ULK2: variants seen among roughly 807,000 people sequenced by gnomAD.
ULK2 encodes unc-51 like autophagy activating kinase 2.
In ULK2, 76 loss-of-function variants were observed where a neutral mutation model predicts 127.5. That is an observed-to-expected ratio of 0.60 (90% CI 0.50 to 0.72). The LOEUF (loss-of-function observed/expected upper bound fraction) is 0.72. ULK2 is among the 30% of genes least tolerant of loss of function. ULK2 has a pLI of 0.00. For missense variants in ULK2, 1,144 were observed against 1,295.9 expected (o/e 0.88, Z 1.80); for synonymous variants, 452 against 461.9 (o/e 0.98, Z 0.28).
intron 6 of ULK2, 147 bp downstream of exon 6, chr17:19,846,590 A>C: frequency 1.2e-6 from 1 of 868,298 alleles, no homozygotes; most frequent in South Asian, 2.0e-5. Flanking sequence ...CAGTGAGCCA[A>C]GATCGCGCCA....
At chr17:19,826,261 G>T (rs534417402) in intron 10 of ULK2, 75 bp from the exon 11 acceptor site, 1 of 883,066 alleles carries the variant, frequency 1.1e-6, no homozygotes, top group Non-Finnish European at 1.7e-6. Flanking sequence ...TTTTCTCAAC[G>T]TATTCAATAT....
chr17:19,856,531 G>A (rs968598823), intron 3 of ULK2, among the ~76,000 whole-genome samples: 15 of 151,802 alleles, frequency 9.9e-5, no homozygotes, highest in Non-Finnish European at 2.1e-4. Flanking sequence ...GCAGTGAGCC[G>A]AGATCGCGCC....
At position 19,783,903 on chromosome 17, in the gene ULK2, C is replaced by T. The variant is rs55730189; in HGVS notation, c.2254G>A (p.Gly752Arg). 1,037 of 1,505,820 alleles carry T rather than the reference C, an allele frequency of 6.9e-4. 17 individuals are homozygous for T. The East Asian group carries it at 0.02, about 29-fold the overall frequency. The allele number at this position is 1,505,820 out of a possible 1,614,324, so 93.3% of individuals were successfully genotyped here. Residue 752 changes from glycine to arginine, a missense_variant and splice_region_variant, in exon 22 of 27, where the codon GGG becomes AGG. By Grantham distance (125) the Gly-to-Arg change is moderately radical. This residue lies in a region of ULK2 where 913 missense variants were observed against 970.5 expected (regional missense o/e 0.94). Transcript: ENST00000395544. ...MFLRTRTTSV[G>R]PSNSGGSLCA... Reference sequence around the variant, plus strand: ...AGAGAGCCCCCGGAGTTGCTGGGCCCCACTACAAGGAAACAGAGGATACAT... The same window carrying T: ...AGAGAGCCCCCGGAGTTGCTGGGCCTCACTACAAGGAAACAGAGGATACAT...
intron 25 of ULK2, among the ~76,000 whole-genome samples, chr17:19,779,210 G>C (rs892732378): frequency 6.6e-6 from 1 of 152,098 alleles, no homozygotes. Context: ...AATGGAAAGG[G>C]GGATCTATTA....
chr17:19,867,471 G>T lies in ULK2; in HGVS notation c.-54C>A, dbSNP rs571920214. 4.8e-6 allele frequency: 7 copies of T among 1,449,922 alleles called. No homozygotes were observed. The African/African-American group carries it at 5.9e-5, about 12-fold the overall frequency. The allele number at this position is 1,449,922 out of a possible 1,614,324, so 89.8% of individuals were successfully genotyped here. Reference sequence around the variant, plus strand: ...GGGCGGGCGGCGCAGTGCGGCGCAGGTATCAGCACCGCGGCTCCGCGGGCC... The same window carrying T: ...GGGCGGGCGGCGCAGTGCGGCGCAGTTATCAGCACCGCGGCTCCGCGGGCC... On this transcript the variant is annotated 5_prime_UTR_variant, in exon 1 of 27. Coordinates refer to ENST00000395544, the MANE Select transcript of ULK2 (RefSeq NM_014683.4).
intron 5 of ULK2, among the ~76,000 whole-genome samples, chr17:19,847,943 A>C (rs947353458): frequency 1.3e-5 from 2 of 152,146 alleles, no homozygotes; most frequent in Non-Finnish European, 2.9e-5. Context: ...TAGTTCTTCC[A>C]CTTAATGTGT....
At chr17:19,854,145 G>A (rs902217612) in intron 3 of ULK2, among the ~76,000 whole-genome samples, 1 of 151,862 alleles carries the variant, frequency 6.6e-6, no homozygotes, top group Admixed American at 6.6e-5. Context: ...GGGTGTGGTG[G>A]TGCATGCCTG....
chr17:19,857,089 T>C (rs891688872), intron 3 of ULK2, among the ~76,000 whole-genome samples: 2 of 150,862 alleles, frequency 1.3e-5, no homozygotes, highest in Non-Finnish European at 2.9e-5. Context: ...GCAGATCACC[T>C]GAGGTCGGGA....
chr17:19,813,177 G>A (rs1413662736), intron 13 of ULK2, among the ~76,000 whole-genome samples: 7 of 152,100 alleles, frequency 4.6e-5, no homozygotes, highest in Admixed American at 4.6e-4. Flanking sequence ...CCTCCAAAAG[G>A]GAAATAGTCC....
intron 20 of ULK2, among the ~76,000 whole-genome samples, chr17:19,787,759 T>C (rs571055073): frequency 1.3e-5 from 2 of 152,240 alleles, no homozygotes; most frequent in East Asian, 3.9e-4. Flanking sequence ...AAAAATCAGG[T>C]GAGTAATCAC....
intron 10 of ULK2, among the ~76,000 whole-genome samples, chr17:19,827,024 T>C (rs1396604545): frequency 1.3e-5 from 2 of 152,080 alleles, no homozygotes; most frequent in Non-Finnish European, 2.9e-5. Flanking sequence ...TCCATAATAG[T>C]TGTTTCACTA....
rs1221566137 is a variant in ULK2 at position 19,771,162 on chromosome 17, ACTCCTGTACCCAGTGTGGC to A, written c.*5168_*5186del. On this transcript the variant is annotated 3_prime_UTR_variant, in exon 27 of 27. Transcript: ENST00000395544. ...GTGGGGCTCCTGTGGGGAGATGGGT[ACTCCTGTACCCAGTGTGGC>A]CTCCTGCTCCCACCGCTTTCCAGCT... 6.6e-6 allele frequency: 1 copy of A among 151,934 alleles called. No individual in the cohort carries two copies. The highest frequency in any genetic ancestry group is 2.4e-5 in the African/African-American group (1 of 41,334). The allele number at this position is 151,934 out of a possible 1,614,324, so 9.4% of individuals were successfully genotyped here. A position where few individuals can be genotyped will look rare whatever the true frequency, so the allele number is the denominator to read the frequency against.
intron 12 of ULK2, 85 bp from the exon 13 acceptor site, chr17:19,817,005 T>C (rs971093146): frequency 2.9e-4 from 353 of 1,222,240 alleles, no homozygotes; most frequent in Admixed American, 7.6e-4. Context: ...TTTTTTTTTT[T>C]CCCCCACAAA....
At position 19,825,278 on chromosome 17, in the gene ULK2, T is replaced by C; in HGVS notation, c.836-96A>G. 2.9e-6 allele frequency: 3 copies of C among 1,020,594 alleles called. 1 individual carries two copies. The allele number at this position is 1,020,594 out of a possible 1,614,324, so 63.2% of individuals were successfully genotyped here. A position where few individuals can be genotyped will look rare whatever the true frequency, so the allele number is the denominator to read the frequency against. On this transcript the variant is annotated intron_variant, in intron 11 of 26. Transcript: ENST00000395544. ...TTGCCAAAACTACTACACCTTTGTG[T>C]TCCCCCAAAATCTGCATTTACCTAT...
Position 19,801,759 on chromosome 17 carries a change from TTTTTAAACTC to T in ULK2, c.1441+8_1441+17del. On this transcript the variant is annotated splice_region_variant and intron_variant, in intron 16 of 26. Transcript: ENST00000395544. Reference sequence around the variant, plus strand: ...GTGAAAAAAAGGTTGAAAACAACTGTTTTTAAACTCTACTTACCCAAAGGGGAAGGTGAGT... The same window carrying T: ...GTGAAAAAAAGGTTGAAAACAACTGTTACTTACCCAAAGGGGAAGGTGAGT... 6.2e-7 allele frequency: 1 copy of T among 1,608,932 alleles called. No individual in the cohort carries two copies. The highest frequency in any genetic ancestry group is 2.2e-5 in the East Asian group (1 of 44,854).
At chr17:19,780,878 G>GA in intron 24 of ULK2, 108 bp downstream of exon 24, 1 of 1,174,342 alleles carries the variant, frequency 8.5e-7, no homozygotes, top group Non-Finnish European at 1.2e-6. Flanking sequence ...TAAGAATACT[G>GA]AAAAATAAAA....
chr17:19,855,248 C>T (rs2042100032), intron 3 of ULK2, among the ~76,000 whole-genome samples: 1 of 151,620 alleles, frequency 6.6e-6, no homozygotes, highest in South Asian at 2.1e-4. Flanking sequence ...ACTAAAAATA[C>T]AAAAAATTAG....
chr17:19,808,579 C>T (rs552952696), intron 14 of ULK2, among the ~76,000 whole-genome samples: 1 of 152,258 alleles, frequency 6.6e-6, no homozygotes, highest in South Asian at 2.1e-4. Context: ...AACCCAACAA[C>T]AAAAACCCAA....
intron 12 of ULK2, among the ~76,000 whole-genome samples, chr17:19,824,581 C>T (rs539787533): frequency 3.3e-5 from 5 of 150,954 alleles, no homozygotes; most frequent in Middle Eastern, 3.2e-3. Context: ...AAGAAAATGC[C>T]TTGGGAGCTT....
Sources: gnomAD v4.1 joint callset for allele counts (sites outside exome capture counted in the v4.1 genomes callset) on GRCh38, gnomAD v4.1.1 for gene constraint, gnomAD v4.1.1 regional missense constraint, MANE v1.5 for transcripts, NCBI Gene and HGNC (gene_info 2026-07-23, HGNC 2026-07-21) for gene names.